Variants in RADIL observed in about 807,000 individuals in gnomAD.
RADIL encodes the protein ras-associating and dilute domain-containing protein.
RADIL carries 99 observed loss-of-function variants against 97.6 expected under a neutral mutation model. The ratio of observed to expected loss-of-function variants is 1.01; its 90% CI spans 0.86 to 1.20. The LOEUF is 1.20. Among genes scored for constraint, RADIL ranks in the 50% most tolerant of loss-of-function variants. The pLI, the probability that RADIL is intolerant of heterozygous loss-of-function variation, is 0.00. For missense variants in RADIL, 1,765 were observed against 1,498.9 expected (o/e 1.18, Z -2.93); for synonymous variants, 803 against 691.8 (o/e 1.16, Z -2.52).
At chr7:4,804,505 G>A (rs1782227945) in intron 10 of RADIL, among the ~76,000 whole-genome samples, 1 of 152,246 alleles carries the variant, frequency 6.6e-6, no homozygotes, top group South Asian at 2.1e-4. Context: ...ATGCACCCCT[G>A]GCCGGGGGTG....
rs1784115612 is a variant in RADIL, at chr7:4,865,694, C to A, written c.535+11911G>T. 6.0e-6 allele frequency: 6 copies of A among 996,624 alleles called. No homozygotes were observed. In the South Asian group the frequency reaches 6.4e-5, roughly 11 times the overall value. 61.7% of individuals were successfully genotyped at this position (996,624 alleles called of 1,614,324 possible). The stretch of plus-strand genomic sequence containing the variant: ...TTCTTGCAAAAACTGCTCAAATTGG[C>A]AGCATCTGTGATTCCATCTTCTACG... On this transcript the variant is annotated intron_variant, in intron 2 of 14. Transcript: ENST00000399583.
chr7:4,809,601 C>T (rs1012767842), intron 9 of RADIL: 19 of 985,454 alleles, frequency 1.9e-5, no homozygotes, highest in Non-Finnish European at 2.3e-5. Flanking sequence ...CAGACACGCT[C>T]CTTGAACTCG....
At chr7:4,820,291 G>A (rs998804091) in intron 6 of RADIL, among the ~76,000 whole-genome samples, 6 of 152,226 alleles carry the variant, frequency 3.9e-5, no homozygotes, top group East Asian at 1.9e-4. Flanking sequence ...GAGAGGCGAC[G>A]GGCGCTGTAG....
intron 12 of RADIL, among the ~76,000 whole-genome samples, chr7:4,801,451 G>A (rs548285223): frequency 1.3e-4 from 20 of 152,338 alleles, no homozygotes; most frequent in Non-Finnish European, 1.9e-4. Flanking sequence ...ACGTGTCAGC[G>A]ACTGAGCGAC....
At chr7:4,823,198 G>C (rs1782881757) in intron 5 of RADIL, among the ~76,000 whole-genome samples, 1 of 152,194 alleles carries the variant, frequency 6.6e-6, no homozygotes, top group Non-Finnish European at 1.5e-5. Context: ...GCTCACGCCT[G>C]TAATCTCAGC....
Position 4,832,181 on chromosome 7 carries a change from A to T in RADIL, c.1417-3T>A. 6.2e-7 allele frequency: 1 copy of T among 1,611,388 alleles called. No individual in the cohort carries two copies. The highest frequency in any genetic ancestry group is 8.5e-7 in the Non-Finnish European group (1 of 1,178,572). On this transcript the variant is annotated splice_polypyrimidine_tract_variant and splice_region_variant and intron_variant, in intron 4 of 14. Transcript: ENST00000399583. ...TCTGCTAGTTCTTTGGTTTTCTCCT[A>T]CAATTACAAAGCGGGAGAAAAAGCA...
chr7:4,871,988 C>T (rs1176877165), intron 2 of RADIL, among the ~76,000 whole-genome samples: 1 of 152,174 alleles, frequency 6.6e-6, no homozygotes, highest in Admixed American at 6.5e-5. Flanking sequence ...TCTCCAGGAA[C>T]GCATGAATGC....
chr7:4,861,235 T>C (rs1372174105), intron 2 of RADIL: 1 of 1,614,164 alleles, frequency 6.2e-7, no homozygotes, highest in South Asian at 1.1e-5. Context: ...TGTCTAAATT[T>C]TTAAGTAGAC....
chr7:4,841,885 G>C (rs950776945), intron 2 of RADIL, among the ~76,000 whole-genome samples: 1 of 152,134 alleles, frequency 6.6e-6, no homozygotes, highest in African/African-American at 2.4e-5. Context: ...ACATCGCCAA[G>C]TCTCTACAAA....
At position 4,814,921 on chromosome 7, in the gene RADIL, T is replaced by C. The variant is rs1583275379; in HGVS notation, c.2139+357A>G. Among the ~76,000 whole-genome samples, 1 of 152,156 alleles carries C rather than the reference T, an allele frequency of 6.6e-6. No homozygotes were observed. ...GAGCCACATCCCCTCTTCTTCTGTT[T>C]CTCTCTGACCTTCTGGACTTGTCTG... On this transcript the variant is annotated intron_variant, in intron 9 of 14. Transcript: ENST00000399583. This position sits in a 1 kb window ranked among gnomAD's most constrained non-coding sequence, Gnocchi z 4.5.
At chr7:4,857,414 G>T (rs982855589) in intron 2 of RADIL, among the ~76,000 whole-genome samples, 2 of 152,292 alleles carry the variant, frequency 1.3e-5, no homozygotes, top group South Asian at 4.1e-4. Flanking sequence ...TAATCAGGAA[G>T]TTTGGTCCAT....
rs34276261 is a variant in RADIL, at chr7:4,850,216, T to TAAAAAA, written c.536-13617_536-13612dup. Among the ~76,000 whole-genome samples the TAAAAAA allele has an allele frequency of 1.7e-3, 148 of 88,040 alleles. 6 individuals carry two copies. Among genetic ancestry groups the TAAAAAA allele is most frequent in the East Asian group, 5.0e-3 (14 of 2,800 alleles). 57.8% of individuals were successfully genotyped at this position (88,040 alleles called of 152,430 possible). On this transcript the variant is annotated intron_variant, in intron 2 of 14. Transcript: ENST00000399583. ...ACCCACACTACACAGACGATCCCTT[T>TAAAAAA]AAAAAAAAAAAAAAAAAAAAAACCT... is the stretch of plus-strand genomic sequence containing the variant.
At chr7:4,871,446 G>A (rs1393809833) in intron 2 of RADIL, among the ~76,000 whole-genome samples, 1 of 152,198 alleles carries the variant, frequency 6.6e-6, no homozygotes, top group Non-Finnish European at 1.5e-5. Flanking sequence ...GGCTGTCATC[G>A]GGGAGGCCGA....
At chr7:4,863,671 A>G (rs1784071615) in intron 2 of RADIL, among the ~76,000 whole-genome samples, 1 of 152,222 alleles carries the variant, frequency 6.6e-6, no homozygotes, top group South Asian at 2.1e-4. Flanking sequence ...TTCCCACCCA[A>G]GTCAAGAGAG....
intron 5 of RADIL, 31 bp downstream of exon 5, chr7:4,832,110 G>A (rs981914410): frequency 6.2e-7 from 1 of 1,602,104 alleles, no homozygotes; most frequent in Non-Finnish European, 8.5e-7. Context: ...CTGCTGCCCA[G>A]AGGCGGGCAC....
chr7:4,836,557 G>T lies in RADIL; in HGVS notation c.584C>A (p.Thr195Asn). The part of the protein sequence containing the change: ...RRLQRSRAKG[T>N]PTPALGDARS... ...GGCATCCCCCAGGGCCGGGGTCGGG[G>T]TTCCCTTCGCGCGACTCCGCTGCAG... Residue 195 changes from threonine to asparagine, a missense_variant, in exon 3 of 15, where the codon ACC becomes AAC. Physicochemically the swap from Thr to Asn is moderately conservative, Grantham distance 65. Coordinates refer to ENST00000399583, the MANE Select transcript of RADIL (RefSeq NM_018059.5). 1 of 1,607,818 alleles carries T rather than the reference G, an allele frequency of 6.2e-7. No homozygotes were observed. Among genetic ancestry groups the T allele is most frequent in the Non-Finnish European group, 8.5e-7 (1 of 1,179,526 alleles).
rs923989598 is a variant in RADIL at position 4,878,835 on chromosome 7, G to A, written c.-64-632C>T. ...CGGCCCCAGCACCATCACAGCCACA[G>A]AAGAGCAGCGGGCAGCCCAAGGGCA... On this transcript the variant is annotated intron_variant, in intron 1 of 14. Coordinates refer to ENST00000399583, the MANE Select transcript of RADIL (RefSeq NM_018059.5). This position sits in a 1 kb window ranked among gnomAD's most constrained non-coding sequence, Gnocchi z 4.1. Among the ~76,000 whole-genome samples the A allele has an allele frequency of 3.3e-5, 5 of 152,250 alleles. No homozygotes were observed. The highest frequency in any genetic ancestry group is 4.4e-5 in the Non-Finnish European group (3 of 68,042).
rs778197340 is a variant in RADIL at position 4,834,037 on chromosome 7, A to G, written c.1416+570T>C. On this transcript the variant is annotated intron_variant, in intron 4 of 14. Coordinates refer to ENST00000399583, the MANE Select transcript of RADIL (RefSeq NM_018059.5). The surrounding 1 kb of genome is among the most constrained non-coding windows in gnomAD (Gnocchi z 6.0). The stretch of plus-strand genomic sequence containing the variant: ...TCACAGCAAGGAGCTCTCCTGCCAC[A>G]GTGTCCACAGGGCCGGGGATGAGAG... 6.6e-5 allele frequency among the ~76,000 whole-genome samples: 10 copies of G among 152,162 alleles called. No individual in the cohort carries two copies. Among genetic ancestry groups the G allele is most frequent in the Non-Finnish European group, 1.5e-4 (10 of 68,010 alleles).
rs1220671483 is a variant in RADIL at position 4,813,772 on chromosome 7, G to A, written c.2139+1506C>T. On this transcript the variant is annotated intron_variant, in intron 9 of 14. Coordinates refer to ENST00000399583, the MANE Select transcript of RADIL (RefSeq NM_018059.5). The surrounding 1 kb of genome is among the most constrained non-coding windows in gnomAD (Gnocchi z 5.0). ...TCCGGCTGTGCGGGCTGTCCTCAGT[G>A]GAACTGCAGGCTCAGCTGCTCCATC... 2.0e-5 allele frequency among the ~76,000 whole-genome samples: 3 copies of A among 152,198 alleles called. No individual in the cohort carries two copies. Among genetic ancestry groups the A allele is most frequent in the Non-Finnish European group, 4.4e-5 (3 of 68,028 alleles).
Sources: gnomAD v4.1 joint callset for allele counts (sites outside exome capture counted in the v4.1 genomes callset) on GRCh38, gnomAD v4.1.1 for gene constraint, Gnocchi (gnomAD v3.1) non-coding constraint, MANE v1.5 for transcripts, NCBI Gene and HGNC (gene_info 2026-07-23, HGNC 2026-07-21) for gene names.